Variants in SORCS1 observed in about 807,000 individuals in gnomAD.
SORCS1 encodes the protein VPS10 domain-containing receptor SorCS1.
In SORCS1, 60 loss-of-function variants were observed where a neutral mutation model predicts 146.1. The observed-to-expected ratio is 0.41, with a 90% confidence interval of 0.33 to 0.51. The LOEUF is 0.51. SORCS1 is among the 20% of genes least tolerant of loss of function. SORCS1 has a pLI of 0.21. For synonymous variants in SORCS1, 637 were observed against 584.0 expected (o/e 1.09, Z -1.31); for missense variants, 1,352 against 1,487.6 (o/e 0.91, Z 1.50).
Position 106,765,373 on chromosome 10 carries a change from GT to G in SORCS1, c.886-3713del, listed in dbSNP as rs34292579. 2.2e-4 allele frequency among the ~76,000 whole-genome samples: 33 copies of G among 147,702 alleles called. 1 individual carries two copies. The highest frequency in any genetic ancestry group is 8.0e-4 in the East Asian group (4 of 5,024). On this transcript the variant is annotated intron_variant, in intron 4 of 25. Transcript: ENST00000263054. ...TCCTGACATGTTCCTCTCCTGAAGG[GT>G]TTTTTTTTTTAAGACATCTTTCACA...
intron 1 of SORCS1, among the ~76,000 whole-genome samples, chr10:107,074,867 G>A (rs1174165202): frequency 3.3e-5 from 5 of 151,964 alleles, no homozygotes; most frequent in Non-Finnish European, 7.4e-5. Flanking sequence ...TATCTGTTAA[G>A]TTCTTATTGT....
intron 2 of SORCS1, among the ~76,000 whole-genome samples, chr10:106,874,337 T>C (rs1015833909): frequency 6.6e-6 from 1 of 152,158 alleles, no homozygotes; most frequent in Non-Finnish European, 1.5e-5. Flanking sequence ...GTGGCATAAT[T>C]ATATGCAGAA....
intron 2 of SORCS1, among the ~76,000 whole-genome samples, chr10:106,833,853 G>A (rs2137051444): frequency 6.6e-6 from 1 of 152,214 alleles, no homozygotes; most frequent in South Asian, 2.1e-4. Context: ...GAGTGCAGTG[G>A]CGCAATCTCG....
chr10:106,652,287 G>T lies in SORCS1; in HGVS notation c.2475+95C>A. ...AAAATTTTTAAATAGCATCTAAAAT[G>T]GAGAAAGTTGAAAAAGATATGGAAA... is the stretch of plus-strand genomic sequence containing the variant. On this transcript the variant is annotated intron_variant, in intron 18 of 25. Coordinates refer to ENST00000263054, the MANE Select transcript of SORCS1 (RefSeq NM_052918.5). The T allele has an allele frequency of 3.0e-6, 4 of 1,346,748 alleles. No individual in the cohort carries two copies. In the Admixed American group the frequency reaches 7.6e-5, roughly 26 times the overall value. The allele number at this position is 1,346,748 out of a possible 1,614,324, so 83.4% of individuals were successfully genotyped here. A position where few individuals can be genotyped will look rare whatever the true frequency, so the allele number is the denominator to read the frequency against.
At chr10:106,888,356 G>A (rs898125113) in intron 2 of SORCS1, among the ~76,000 whole-genome samples, 8 of 152,052 alleles carry the variant, frequency 5.3e-5, no homozygotes, top group Non-Finnish European at 1.2e-4. Context: ...AAGGAGGTTC[G>A]TGCCTTTAAC....
chr10:107,156,949 C>A (rs957371294), intron 1 of SORCS1, among the ~76,000 whole-genome samples: 1 of 152,274 alleles, frequency 6.6e-6, no homozygotes, highest in East Asian at 1.9e-4. Context: ...TCCAGAAGGT[C>A]CCATCATCAC....
rs376487344 is a variant in SORCS1, at chr10:107,120,275, C to T, written c.558+43694G>A. ...ATGTATCATACATTATACATCAATA[C>T]AGCATAAAGCATCTCTTACAGTGCT... On this transcript the variant is annotated intron_variant, in intron 1 of 25. Transcript: ENST00000263054. 3.3e-5 allele frequency among the ~76,000 whole-genome samples: 5 copies of T among 152,224 alleles called. No individual in the cohort carries two copies. In the East Asian group the frequency reaches 9.6e-4, roughly 29 times the overall value.
intron 4 of SORCS1, among the ~76,000 whole-genome samples, chr10:106,762,956 C>G (rs573738776): frequency 2.6e-5 from 4 of 152,186 alleles, no homozygotes; most frequent in African/African-American, 9.6e-5. Flanking sequence ...GGCACCCAAC[C>G]CGAGAGTATC....
chr10:106,795,341 A>G (rs955049652), intron 3 of SORCS1, among the ~76,000 whole-genome samples: 1 of 152,134 alleles, frequency 6.6e-6, no homozygotes, highest in Non-Finnish European at 1.5e-5. Context: ...TAAGGTTCTG[A>G]GAAACATACT....
At chr10:106,719,714 A>G (rs1009478251) in intron 6 of SORCS1, among the ~76,000 whole-genome samples, 3 of 152,160 alleles carry the variant, frequency 2.0e-5, no homozygotes, top group African/African-American at 4.8e-5. Flanking sequence ...CCCGGCCTCA[A>G]TGAATAACTT....
chr10:106,610,856 A>G (rs1439505945), intron 22 of SORCS1, among the ~76,000 whole-genome samples: 1 of 152,172 alleles, frequency 6.6e-6, no homozygotes, highest in Admixed American at 6.6e-5. Flanking sequence ...GGGCAGTTGA[A>G]TCACTTGAGG....
At chr10:106,852,695 T>A (rs1382325187) in intron 2 of SORCS1, among the ~76,000 whole-genome samples, 3 of 151,180 alleles carry the variant, frequency 2.0e-5, no homozygotes, top group African/African-American at 7.3e-5. Flanking sequence ...TTGCTGAGAG[T>A]TTTTACCATG....
At chr10:106,833,180 C>A (rs187985254) in intron 2 of SORCS1, among the ~76,000 whole-genome samples, 43 of 152,268 alleles carry the variant, frequency 2.8e-4, no homozygotes, top group African/African-American at 9.4e-4. Flanking sequence ...CAATCCAGAT[C>A]CCTCAAGGTA....
intron 17 of SORCS1, among the ~76,000 whole-genome samples, chr10:106,661,432 C>A (rs1356179325): frequency 6.6e-6 from 1 of 152,178 alleles, no homozygotes; most frequent in Non-Finnish European, 1.5e-5. Context: ...AAAACAGAGA[C>A]TTACATTAAA....
chr10:106,921,618 C>A (rs2138412696), intron 2 of SORCS1, among the ~76,000 whole-genome samples: 2 of 152,252 alleles, frequency 1.3e-5, no homozygotes, highest in Admixed American at 1.3e-4. Flanking sequence ...GCAAGGGACA[C>A]AGGGAGTCGG....
At chr10:106,673,809 G>A (rs923229218) in intron 14 of SORCS1, among the ~76,000 whole-genome samples, 2 of 152,128 alleles carry the variant, frequency 1.3e-5, no homozygotes, top group African/African-American at 4.8e-5. Flanking sequence ...AGAGACTTAA[G>A]TATTTACTGA....
chr10:107,145,729 G>C (rs1379916575), intron 1 of SORCS1, among the ~76,000 whole-genome samples: 1 of 152,034 alleles, frequency 6.6e-6, no homozygotes, highest in Non-Finnish European at 1.5e-5. Flanking sequence ...TAAATGTTAG[G>C]GTGAAATACA....
intron 4 of SORCS1, among the ~76,000 whole-genome samples, chr10:106,766,184 T>C (rs1009533350): frequency 6.6e-6 from 1 of 152,148 alleles, no homozygotes; most frequent in Admixed American, 6.5e-5. Context: ...CACTCCTCTT[T>C]CCTTCTCTCC....
At chr10:106,715,174 T>A (rs746669207) in intron 6 of SORCS1, among the ~76,000 whole-genome samples, 37 of 152,372 alleles carry the variant, frequency 2.4e-4, no homozygotes, top group Non-Finnish European at 4.4e-4. Context: ...ACTCTTTCCA[T>A]ATTCAATTCT....
Sources: gnomAD v4.1 joint callset for allele counts (sites outside exome capture counted in the v4.1 genomes callset) on GRCh38, gnomAD v4.1.1 for gene constraint, MANE v1.5 for transcripts, NCBI Gene and HGNC (gene_info 2026-07-23, HGNC 2026-07-21) for gene names.